The following FHDC1 variants were observed in gnomAD, a reference collection of about 807,000 sequenced individuals.
FHDC1 encodes FH2 domain-containing protein 1.
A neutral mutation model predicts 52.6 loss-of-function variants in FHDC1; 25 were observed. The observed-to-expected ratio is 0.48, with a 90% CI of 0.35 to 0.66. The LOEUF is 0.66. Among genes scored for constraint, FHDC1 ranks in the 30% least tolerant of loss-of-function variants. The probability of loss-of-function intolerance (pLI) is 0.01; values close to 1 mark genes in which losing one functional copy is unlikely to be tolerated. For missense variants in FHDC1, 1,459 were observed against 1,452.8 expected (o/e 1.00, Z -0.07); for synonymous variants, 616 against 581.5 (o/e 1.06, Z -0.85).
intron 3 of FHDC1, among the ~76,000 whole-genome samples, chr4:152,953,958 A>G (rs1255215472): frequency 6.6e-6 from 1 of 151,880 alleles, no homozygotes; most frequent in Non-Finnish European, 1.5e-5. Flanking sequence ...AACAAAAGAG[A>G]CTCCCAGTGG....
At chr4:152,914,330 A>C in the FHDC1 span, among the ~76,000 whole-genome samples, 19 of 152,196 alleles carry the variant, frequency 1.2e-4, no homozygotes, top group Non-Finnish European at 2.4e-4. Flanking sequence ...AATGTACAGG[A>C]AACGACAAAG....
At position 152,976,037 on chromosome 4, in the gene FHDC1, G is replaced by A. The variant is rs144714816; in HGVS notation, c.2746G>A (p.Gly916Ser). Residue 916 changes from glycine to serine, a missense_variant, in exon 12 of 12, where the codon GGC becomes AGC. Physicochemically the swap from Gly to Ser is moderately conservative, Grantham distance 56 (BLOSUM62 0). This residue lies in a region of FHDC1 where 939 missense variants were observed against 854.5 expected (regional missense o/e 1.10). Coordinates refer to ENST00000511601, the MANE Select transcript of FHDC1 (RefSeq NM_001371116.1). The stretch of plus-strand genomic sequence containing the variant: ...CATCACCAAGTCCAGCAGAGGCGCC[G>A]GCTGGAGGCGACCAGAGCTGTCATC... The part of the protein sequence containing the change: ...MPITKSSRGA[G>S]WRRPELSSRG... 2.4e-5 allele frequency: 38 copies of A among 1,570,306 alleles called. No homozygotes were observed. Among genetic ancestry groups the A allele is most frequent in the Middle Eastern group, 1.7e-4 (1 of 5,840 alleles).
intron 1 of FHDC1, among the ~76,000 whole-genome samples, chr4:152,937,282 G>A (rs1478218500): frequency 6.6e-6 from 1 of 152,166 alleles, no homozygotes; most frequent in Non-Finnish European, 1.5e-5. Flanking sequence ...GGTGGGTTGG[G>A]AGCGCGCGGC....
chr4:152,943,291 C>T lies in FHDC1; in HGVS notation c.234C>T (p.Gly78=), dbSNP rs1412173634. The change falls in exon 2 of 12, where the codon GGC becomes GGT. Residue 78 remains glycine (G), a synonymous_variant. Transcript: ENST00000511601. ...CTCCCATCCCACCTCCCCCACCAGG[C>T]CTACCCCCAACTACTCACATGAACG... is the stretch of plus-strand genomic sequence containing the variant. ...GEPPIPPPPP[G]LPPTTHMNGY... is the part of the protein sequence containing the mutation. 1.3e-6 allele frequency: 2 copies of T among 1,591,060 alleles called. No homozygotes were observed. Among genetic ancestry groups the T allele is most frequent in the Non-Finnish European group, 8.6e-7 (1 of 1,162,098 alleles).
chr4:152,937,450 G>C (rs1014307110), intron 1 of FHDC1, among the ~76,000 whole-genome samples: 3 of 152,016 alleles, frequency 2.0e-5, no homozygotes, highest in Non-Finnish European at 4.4e-5. Flanking sequence ...CGTGGGGAGC[G>C]TGGGCTTTCC....
intron 2 of FHDC1, among the ~76,000 whole-genome samples, chr4:152,944,768 C>A (rs981424325): frequency 2.0e-5 from 3 of 152,172 alleles, no homozygotes; most frequent in Non-Finnish European, 4.4e-5. Flanking sequence ...TCATGAGAAC[C>A]CTTAGTGCCG....
chr4:152,934,312 G>T (rs1739307151), upstream of FHDC1, among the ~76,000 whole-genome samples: 1 of 152,180 alleles, frequency 6.6e-6, no homozygotes, highest in African/African-American at 2.4e-5. Flanking sequence ...TAAAGAGGGG[G>T]AGGTGGTGGG....
upstream of FHDC1, among the ~76,000 whole-genome samples, chr4:152,934,067 T>A (rs997060442): frequency 5.9e-5 from 9 of 152,210 alleles, no homozygotes; most frequent in Non-Finnish European, 1.3e-4. Flanking sequence ...GAAATCAGAA[T>A]GCTTATAGGA....
rs1304453101 is a variant in FHDC1 at position 152,943,031 on chromosome 4, A to G, written c.-27A>G. The stretch of plus-strand genomic sequence containing the variant: ...GTGTCTTCTTCTCCAAGGCCAAGAA[A>G]TTATCTCCATAGGAGGCAACAGTAC... On this transcript the variant is annotated 5_prime_UTR_variant, in exon 2 of 12. Coordinates refer to ENST00000511601, the MANE Select transcript of FHDC1 (RefSeq NM_001371116.1). 1.9e-6 allele frequency: 3 copies of G among 1,571,628 alleles called. No individual in the cohort carries two copies. Among genetic ancestry groups the G allele is most frequent in the African/African-American group, 2.7e-5 (2 of 74,004 alleles).
At position 152,976,301 on chromosome 4, in the gene FHDC1, C is replaced by T. The variant is rs773928808; in HGVS notation, c.3010C>T (p.Arg1004Cys). The T allele has an allele frequency of 3.0e-5, 49 of 1,613,484 alleles. No homozygotes were observed. Among genetic ancestry groups the T allele is most frequent in the Middle Eastern group, 1.6e-4 (1 of 6,084 alleles). ...RQKPEENKTC[R>C]AHSEGPESPK... The stretch of plus-strand genomic sequence containing the variant: ...GAAGCCTGAGGAAAATAAGACCTGC[C>T]GCGCCCACTCCGAGGGCCCTGAGAG... The change falls in exon 12 of 12, where the codon CGC (arginine) becomes TGC (cysteine). Residue 1004 changes from arginine to cysteine, a missense_variant. This residue lies in a region of FHDC1 where 939 missense variants were observed against 854.5 expected (regional missense o/e 1.10). Coordinates refer to ENST00000511601, the MANE Select transcript of FHDC1 (RefSeq NM_001371116.1).
At chr4:152,947,967 G>A (rs1047022832) in intron 2 of FHDC1, among the ~76,000 whole-genome samples, 2 of 152,040 alleles carry the variant, frequency 1.3e-5, no homozygotes, top group Non-Finnish European at 2.9e-5. Context: ...CCAGAATTTC[G>A]GGATATGCTC....
intron 1 of FHDC1, among the ~76,000 whole-genome samples, chr4:152,941,090 G>T (rs1212288353): frequency 6.6e-6 from 1 of 152,164 alleles, no homozygotes; most frequent in African/African-American, 2.4e-5. Context: ...ACTTAAAAGT[G>T]GTGAAAATGA....
rs1739636904 is a variant in FHDC1 at position 152,943,415 on chromosome 4, G to A, written c.358G>A (p.Ala120Thr). Residue 120 changes from alanine (A) to threonine (T), a missense_variant, in exon 2 of 12, where the codon GCA (alanine) becomes ACA (threonine). Ala to Thr is a moderately conservative substitution (Grantham distance 58). Coordinates refer to ENST00000511601, the MANE Select transcript of FHDC1 (RefSeq NM_001371116.1). Reference protein sequence around the residue: ...VRGKTNIWTLAARQEHHYQID... With the variant: ...VRGKTNIWTLTARQEHHYQID... The stretch of plus-strand genomic sequence containing the variant: ...AGGCAAAACCAACATCTGGACCTTG[G>A]CAGCCAGGCAGGAACATCACTACCA... 2 of 1,613,946 alleles carry A rather than the reference G, an allele frequency of 1.2e-6. No individual in the cohort carries two copies. Among genetic ancestry groups the A allele is most frequent in the Admixed American group, 3.3e-5 (2 of 59,992 alleles).
chr4:152,939,125 G>T (rs769258740), intron 1 of FHDC1, among the ~76,000 whole-genome samples: 1 of 152,076 alleles, frequency 6.6e-6, no homozygotes, highest in Admixed American at 6.5e-5. Context: ...CTGTCGCCAC[G>T]CTGGAGTGCT....
chr4:152,939,076 T>G (rs1318756414), intron 1 of FHDC1, among the ~76,000 whole-genome samples: 1 of 152,158 alleles, frequency 6.6e-6, no homozygotes, highest in African/African-American at 2.4e-5. Flanking sequence ...CGTCTTTTTT[T>G]TGGTTATTGT....
At chr4:152,960,471 AT>A (rs926211801) in intron 4 of FHDC1, 93 bp from the exon 5 acceptor site, 5 of 1,119,266 alleles carry the variant, frequency 4.5e-6, no homozygotes, top group Middle Eastern at 2.0e-4. Flanking sequence ...CTAAAATCCT[AT>A]TTTTTTAGAA....
At chr4:152,942,826 A>G (rs956566305) in intron 1 of FHDC1, 102 bp from the exon 2 acceptor site, 3 of 458,742 alleles carry the variant, frequency 6.5e-6, no homozygotes, top group South Asian at 5.6e-5. Context: ...ATTGATTTTC[A>G]TATCCAACTC....
In FHDC1 at chr4:152,960,481, A is replaced by G. The variant is rs2149951384; in HGVS notation, c.664-84A>G. 2.6e-6 allele frequency: 3 copies of G among 1,162,996 alleles called. No individual in the cohort carries two copies. In the South Asian group the frequency reaches 4.3e-5, roughly 17 times the overall value. 72.0% of individuals were successfully genotyped at this position (1,162,996 alleles called of 1,614,324 possible). On this transcript the variant is annotated intron_variant, in intron 4 of 11. Transcript: ENST00000511601. ...TAGCACTAAAATCCTATTTTTTTAGAAGAATTGGAAGATGAAATTTAAATA... is the reference window on the plus strand; with the variant it reads ...TAGCACTAAAATCCTATTTTTTTAGGAGAATTGGAAGATGAAATTTAAATA...
chr4:152,968,621 C>T lies in FHDC1; in HGVS notation c.1218+524C>T, dbSNP rs148234940. On this transcript the variant is annotated intron_variant, in intron 10 of 11. Coordinates refer to ENST00000511601, the MANE Select transcript of FHDC1 (RefSeq NM_001371116.1). Reference sequence around the variant, plus strand: ...CTGGGATTACAGGTGTGAGCCACCGCGCCCAGCCCAAGCCTGATGTATTTG... The same window carrying T: ...CTGGGATTACAGGTGTGAGCCACCGTGCCCAGCCCAAGCCTGATGTATTTG... Among the ~76,000 whole-genome samples, 235 of 152,240 alleles carry T rather than the reference C, an allele frequency of 1.5e-3. 1 individual carries two copies. The highest frequency in any genetic ancestry group is 5.5e-3 in the African/African-American group (227 of 41,542).
Sources: gnomAD v4.1 joint callset for allele counts (sites outside exome capture counted in the v4.1 genomes callset) on GRCh38, gnomAD v4.1.1 for gene constraint, gnomAD v4.1.1 regional missense constraint, MANE v1.5 for transcripts, NCBI Gene and HGNC (gene_info 2026-07-23, HGNC 2026-07-21) for gene names.